The following HERC2 variants were observed in gnomAD, a reference collection of about 807,000 sequenced individuals.
HERC2 encodes HECT and RLD domain containing E3 ubiquitin protein ligase 2.
HERC2 carries 102 observed loss-of-function variants against 537.7 expected under a neutral mutation model. That is an observed-to-expected ratio of 0.19 (90% CI 0.16 to 0.22). HERC2 has a LOEUF of 0.22. Among genes scored for constraint, HERC2 ranks in the 10% least tolerant of loss-of-function variants. The pLI is 1.00. For synonymous variants in HERC2, 2,224 were observed against 2,466.2 expected, an observed-to-expected ratio of 0.90 and a Z score of 2.91; for missense variants, 4,236 against 6,198.2, an observed-to-expected ratio of 0.68 and a Z score of 10.63.
At chr15:28,227,456 CAAAAAAAAAAAGAAA>C (rs1402823062) in intron 35 of HERC2, among the ~76,000 whole-genome samples, 4 of 97,704 alleles carry the variant, frequency 4.1e-5, no homozygotes, top group Admixed American at 2.2e-4. Context: ...GGCCTTCATC[CAAAAAAAAAAAGAAA>C]AAAAAAAAAA....
In HERC2 at chr15:28,265,939, G is replaced by A; in HGVS notation, c.1634C>T (p.Ser545Phe). The A allele has an allele frequency of 6.2e-7, 1 of 1,614,178 alleles. No individual in the cohort carries two copies. The highest frequency in any genetic ancestry group is 1.1e-5 in the South Asian group (1 of 91,086). Reference protein sequence around the residue: ...LEEPKVISAFSGKQAGKHVVH... With the variant: ...LEEPKVISAFFGKQAGKHVVH... ...CACGTGCTTCCCGGCCTGCTTTCCA[G>A]AGAAGGCGGAGATCACCTTAGGCTC... Residue 545 changes from serine (S) to phenylalanine (F), a missense_variant, in exon 13 of 93, where the codon TCT (serine) becomes TTT (phenylalanine). This residue lies in a region of HERC2 where 754 missense variants were observed against 1,085.0 expected (regional missense o/e 0.69). Transcript: ENST00000261609. This position sits in a 1 kb window ranked among gnomAD's most constrained non-coding sequence, Gnocchi z 4.0.
chr15:28,241,686 G>A (rs997035943), intron 23 of HERC2, among the ~76,000 whole-genome samples: 2 of 152,122 alleles, frequency 1.3e-5, no homozygotes, highest in African/African-American at 4.8e-5. Context: ...TGGGCATGGT[G>A]GCGCACGCCT....
chr15:28,228,395 G>A lies in HERC2; in HGVS notation c.5287C>T (p.Pro1763Ser). 6.2e-7 allele frequency: 1 copy of A among 1,612,044 alleles called. No individual in the cohort carries two copies. Among genetic ancestry groups the A allele is most frequent in the Non-Finnish European group, 8.5e-7 (1 of 1,179,856 alleles). Residue 1763 changes from proline (P) to serine (S), a missense_variant, in exon 35 of 93, where the codon CCC becomes TCC. By Grantham distance (74) the Pro-to-Ser change is moderately conservative. Transcript: ENST00000261609. ...KFKELGIQPV[P>S]LQTITNENPS... ...TTCTCATTGGTGATGGTTTGCAGGG[G>A]AACCGGCTGGATACCTAATGAGCAT... is the stretch of plus-strand genomic sequence containing the variant.
chr15:28,131,999 A>G (rs2142163482), intron 81 of HERC2, 101 bp downstream of exon 81: 1 of 987,906 alleles, frequency 1.0e-6, no homozygotes, highest in Non-Finnish European at 1.5e-6. Flanking sequence ...CACACGGGGG[A>G]CAGTAATGGT....
At chr15:28,224,135 ACACACACACACACC>A (rs1004293367) in intron 35 of HERC2, among the ~76,000 whole-genome samples, 35 of 5,034 alleles carry the variant, frequency 7.0e-3, no homozygotes, top group African/African-American at 9.2e-3. Context: ...AAAAAATTAT[ACACACACACACACC>A]CACACACACA....
intron 2 of HERC2, among the ~76,000 whole-genome samples, chr15:28,317,761 C>A (rs142558967): frequency 6.6e-6 from 1 of 152,188 alleles, no homozygotes; most frequent in Non-Finnish European, 1.5e-5. Context: ...CACAGAACTA[C>A]GCACACACAT....
chr15:28,135,057 A>C (rs533380870), intron 79 of HERC2, among the ~76,000 whole-genome samples: 19 of 152,276 alleles, frequency 1.2e-4, no homozygotes, highest in African/African-American at 4.3e-4. Flanking sequence ...AGTTCTCATT[A>C]ATTTTTTAAT....
At chr15:28,161,413 GATGAA>G (rs1893579246) in intron 69 of HERC2, among the ~76,000 whole-genome samples, 8 of 152,204 alleles carry the variant, frequency 5.3e-5, no homozygotes. Flanking sequence ...CAGAGAAACG[GATGAA>G]GTGTCTGCAG....
chr15:28,216,504 G>C (rs1899918727), intron 38 of HERC2, among the ~76,000 whole-genome samples: 1 of 148,168 alleles, frequency 6.7e-6, no homozygotes, highest in African/African-American at 2.5e-5. Flanking sequence ...TGGGCCCCCT[G>C]AGGGACCCCG....
At chr15:28,288,972 T>C (rs1211740994) in intron 4 of HERC2, among the ~76,000 whole-genome samples, 2 of 151,834 alleles carry the variant, frequency 1.3e-5, no homozygotes, top group Admixed American at 1.3e-4. Flanking sequence ...CACTTGGACA[T>C]GACACAGCAA....
chr15:28,175,677 G>C (rs763222242), intron 63 of HERC2, 21 bp from the exon 64 acceptor site: 26 of 1,613,670 alleles, frequency 1.6e-5, no homozygotes, highest in Admixed American at 5.0e-5. Flanking sequence ...GCCCATGGTG[G>C]AGAGTTACAA....
At chr15:28,280,036 G>C (rs1242415008) in intron 5 of HERC2, 32 bp downstream of exon 5, 1 of 1,499,554 alleles carries the variant, frequency 6.7e-7, no homozygotes, top group Admixed American at 1.8e-5. Flanking sequence ...TATTTAACTG[G>C]CATCAGGATT....
rs746290715 is a variant in HERC2 at position 28,191,204 on chromosome 15, T to C, written c.8492A>G (p.His2831Arg). The C allele has an allele frequency of 3.1e-6, 5 of 1,613,958 alleles. No individual in the cohort carries two copies. Among genetic ancestry groups the C allele is most frequent in the Admixed American group, 1.7e-5 (1 of 60,002 alleles). Reference protein sequence around the residue: ...RLEIFPDVLVHRLKMIVDPAD... With the variant: ...RLEIFPDVLVRRLKMIVDPAD... Reference sequence around the variant, plus strand: ...AGGATCTACGATCATTTTTAATCTATGAACAAGAACATCTGGGAAAATCTC... The same window carrying C: ...AGGATCTACGATCATTTTTAATCTACGAACAAGAACATCTGGGAAAATCTC... The change falls in exon 54 of 93, where the codon CAT (histidine) becomes CGT (arginine). Residue 2831 changes from histidine (H) to arginine (R), a missense_variant. By Grantham distance (29) the His-to-Arg change is conservative. Transcript: ENST00000261609.
intron 45 of HERC2, chr15:28,203,835 GCA>G (rs1408356612): frequency 6.6e-6 from 1 of 151,918 alleles, no homozygotes; most frequent in Non-Finnish European, 1.5e-5. Context: ...CCTGCGCTCG[GCA>G]CAAAGGGACC....
At chr15:28,244,062 C>T (rs894073285) in intron 23 of HERC2, among the ~76,000 whole-genome samples, 6 of 152,108 alleles carry the variant, frequency 3.9e-5, no homozygotes, top group Admixed American at 6.5e-5. Context: ...TGCAGTCCCA[C>T]GCAGGTGGAA....
chr15:28,176,651 C>G lies in HERC2; in HGVS notation c.9514+36G>C. On this transcript the variant is annotated intron_variant, in intron 62 of 92. Transcript: ENST00000261609. The surrounding 1 kb of genome is among the most constrained non-coding windows in gnomAD (Gnocchi z 5.0). Reference sequence around the variant, plus strand: ...AGGCCAGCGTTTCATATCATTCCTACCCACCCAGAAGCACAGAATCCTGCC... The same window carrying G: ...AGGCCAGCGTTTCATATCATTCCTAGCCACCCAGAAGCACAGAATCCTGCC... 1 of 1,613,812 alleles carries G rather than the reference C, an allele frequency of 6.2e-7. No homozygotes were observed. The highest frequency in any genetic ancestry group is 8.5e-7 in the Non-Finnish European group (1 of 1,179,740).
Position 28,209,374 on chromosome 15 carries a change from C to T in HERC2, c.7069+1628G>A, listed in dbSNP as rs186301625. Among the ~76,000 whole-genome samples the T allele has an allele frequency of 3.6e-3, 553 of 152,122 alleles. 6 individuals are homozygous for T. The highest frequency in any genetic ancestry group is 0.013 in the African/African-American group (519 of 41,514). Reference sequence around the variant, plus strand: ...ATTTATTTTTTTTGAGACAGAGTCTCGCTCTGTCACCCAGGCTGGAGTGCA... The same window carrying T: ...ATTTATTTTTTTTGAGACAGAGTCTTGCTCTGTCACCCAGGCTGGAGTGCA... On this transcript the variant is annotated intron_variant, in intron 44 of 92. Coordinates refer to ENST00000261609, the MANE Select transcript of HERC2 (RefSeq NM_004667.6).
intron 5 of HERC2, among the ~76,000 whole-genome samples, chr15:28,276,193 A>C (rs11356508): frequency 3.1e-4 from 1 of 3,232 alleles, no homozygotes; most frequent in Non-Finnish European, 7.9e-4. Context: ...CTCAAAAAAC[A>C]AAAAAAAAAA....
At position 28,245,982 on chromosome 15, in the gene HERC2, G is replaced by C. The variant is rs1265164345; in HGVS notation, c.3476C>G (p.Pro1159Arg). ...AGLMQEAGAVPLLGGLLEHLD... is the reference protein window; with the variant it reads ...AGLMQEAGAVRLLGGLLEHLD... Reference sequence around the variant, plus strand: ...ATGTTCCAACAGGCCACCCAGCAGAGGTACAGCTCCAGCCTCTTGCATGAG... The same window carrying C: ...ATGTTCCAACAGGCCACCCAGCAGACGTACAGCTCCAGCCTCTTGCATGAG... The change falls in exon 23 of 93, where the codon CCT becomes CGT. Residue 1159 changes from proline (P) to arginine (R), a missense_variant. Physicochemically the swap from Pro to Arg is moderately radical, Grantham distance 103. Transcript: ENST00000261609. The C allele has an allele frequency of 6.2e-7, 1 of 1,613,806 alleles. No homozygotes were observed. Among genetic ancestry groups the C allele is most frequent in the Non-Finnish European group, 8.5e-7 (1 of 1,179,864 alleles).
Sources: allele counts gnomAD v4.1 joint callset (sites outside exome capture counted in the v4.1 genomes callset), GRCh38; gene constraint gnomAD v4.1.1; regional missense constraint gnomAD v4.1.1; non-coding constraint Gnocchi (gnomAD v3.1); transcripts MANE v1.5; gene names NCBI Gene and HGNC (gene_info 2026-07-23, HGNC 2026-07-21).